The following GC variants were observed in gnomAD, a reference collection of about 807,000 sequenced individuals.
GC encodes vitamin D-binding protein.
GC carries 43 observed loss-of-function variants against 56.7 expected under a neutral mutation model. That is an observed-to-expected ratio of 0.76 (90% CI 0.59 to 0.98). GC has a LOEUF of 0.98. Ranked by LOEUF, GC falls within the 50% of genes least tolerant of loss-of-function variation. The pLI, the probability that GC is intolerant of heterozygous loss-of-function variation, is 0.00. For synonymous variants in GC, 216 were observed against 202.7 expected, an observed-to-expected ratio of 1.07 and a Z score of -0.56; for missense variants, 529 against 545.9, an observed-to-expected ratio of 0.97 and a Z score of 0.31.
upstream of GC, among the ~76,000 whole-genome samples, chr4:71,787,573 CA>C (rs1742869172): frequency 6.6e-6 from 1 of 151,836 alleles, no homozygotes; most frequent in East Asian, 1.9e-4. Context: ...GCTGGGAAGA[CA>C]GATGTTGAAG....
intron 12 of GC, 56 bp downstream of exon 12, chr4:71,746,095 A>G (rs1741353182): frequency 2.7e-6 from 2 of 742,216 alleles, no homozygotes; most frequent in Non-Finnish European, 4.9e-6. Context: ...TTTGATATTT[A>G]AAATACATCC....
chr4:71,804,137 T>C (rs1414254586), upstream of GC: 1 of 607,552 alleles, frequency 1.6e-6, no homozygotes, highest in Non-Finnish European at 2.9e-6. Flanking sequence ...AGACCCTGGC[T>C]GAGCAATGGA....
chr4:71,745,498 A>G (rs16846912), intron 12 of GC, among the ~76,000 whole-genome samples: 12,612 of 152,208 alleles, frequency 0.083, 1,275 homozygotes, highest in African/African-American at 0.24. Flanking sequence ...TTCAGCTAAG[A>G]ACTGAGATCC....
At position 71,754,522 on chromosome 4, in the gene GC, A is replaced by G. The variant is rs1373342930; in HGVS notation, c.1165-14T>C. Reference sequence around the variant, plus strand: ...TAGTAGAGGGCCCTGTAAGAAAACAATAATTGCATAACAAAATTATTTGTC... The same window carrying G: ...TAGTAGAGGGCCCTGTAAGAAAACAGTAATTGCATAACAAAATTATTTGTC... On this transcript the variant is annotated splice_polypyrimidine_tract_variant and intron_variant, in intron 9 of 12. Transcript: ENST00000273951. 2.4e-6 allele frequency: 3 copies of G among 1,253,974 alleles called. No homozygotes were observed. The highest frequency in any genetic ancestry group is 3.7e-4 in the Middle Eastern group (2 of 5,388). 77.7% of individuals were successfully genotyped at this position (1,253,974 alleles called of 1,614,324 possible).
chr4:71,768,467 AC>A, intron 2 of GC, 34 bp from the exon 3 acceptor site: 1 of 1,575,542 alleles, frequency 6.3e-7, no homozygotes, highest in Middle Eastern at 1.7e-4. Flanking sequence ...ATCAATTAGA[AC>A]TGAAAGGTTT....
rs74899913 is a variant in GC, at chr4:71,774,255, A to C, written c.59-4855T>G. Among the ~76,000 whole-genome samples, 1,008 of 152,178 alleles carry C rather than the reference A, an allele frequency of 6.6e-3. 16 individuals are homozygous for C. Among genetic ancestry groups the C allele is most frequent in the African/African-American group, 0.023 (967 of 41,558 alleles). On this transcript the variant is annotated intron_variant, in intron 1 of 12. Transcript: ENST00000273951. Reference sequence around the variant, plus strand: ...TTTCAGACTTTGAAAATTCAAACACAAACGAAAACAGCAAAAGATATATAG... The same window carrying C: ...TTTCAGACTTTGAAAATTCAAACACCAACGAAAACAGCAAAAGATATATAG...
intron 1 of GC, among the ~76,000 whole-genome samples, chr4:71,775,101 T>C (rs182792819): frequency 1.3e-5 from 2 of 151,496 alleles, no homozygotes; most frequent in African/African-American, 4.8e-5. Context: ...GGTGAGCAGA[T>C]TGGTTGAAAG....
At chr4:71,757,775 G>A (rs1250415405) in intron 7 of GC, among the ~76,000 whole-genome samples, 1 of 152,156 alleles carries the variant, frequency 6.6e-6, no homozygotes, top group African/African-American at 2.4e-5. Flanking sequence ...AGTGCAAGTA[G>A]CATAAGGTCT....
chr4:71,769,269 C>T (rs1216935925), intron 2 of GC, 62 bp downstream of exon 2: 4 of 1,221,348 alleles, frequency 3.3e-6, no homozygotes, highest in Non-Finnish European at 4.8e-6. Context: ...TCAAAGTTAC[C>T]TCACACTCAG....
chr4:71,784,040 A>G lies in GC; in HGVS notation c.-22T>C, dbSNP rs751201306. On this transcript the variant is annotated 5_prime_UTR_variant, in exon 1 of 13. Coordinates refer to ENST00000273951, the MANE Select transcript of GC (RefSeq NM_000583.4). ...TCATTTTTCTACCAGAGAGTCTTGCAGCACCTCCTCTCTCCTGTAGGTGAC... is the reference window on the plus strand; with the variant it reads ...TCATTTTTCTACCAGAGAGTCTTGCGGCACCTCCTCTCTCCTGTAGGTGAC... 6.9e-6 allele frequency: 11 copies of G among 1,601,014 alleles called. No individual in the cohort carries two copies. The highest frequency in any genetic ancestry group is 4.5e-5 in the East Asian group (2 of 44,600).
chr4:71,770,041 G>C (rs1339121435), intron 1 of GC, among the ~76,000 whole-genome samples: 1 of 152,154 alleles, frequency 6.6e-6, no homozygotes, highest in African/African-American at 2.4e-5. Flanking sequence ...GTGAGTCTGG[G>C]GGATGGTGGG....
chr4:71,747,569 T>C (rs942466409), intron 11 of GC, among the ~76,000 whole-genome samples: 4 of 152,076 alleles, frequency 2.6e-5, no homozygotes, highest in South Asian at 2.1e-4. Context: ...AATTGAAAAA[T>C]GTTTATTAGA....
chr4:71,781,411 GA>G (rs897013939), intron 1 of GC, among the ~76,000 whole-genome samples: 1 of 149,702 alleles, frequency 6.7e-6, no homozygotes, highest in African/African-American at 2.5e-5. Flanking sequence ...AACTTGAATC[GA>G]AAAAAAAGAA....
chr4:71,767,253 G>T (rs1742186059), intron 3 of GC, among the ~76,000 whole-genome samples: 1 of 152,146 alleles, frequency 6.6e-6, no homozygotes, highest in Non-Finnish European at 1.5e-5. Flanking sequence ...CTTGAACAGT[G>T]AGACAAATCT....
chr4:71,769,787 T>A (rs1035681303), intron 1 of GC, among the ~76,000 whole-genome samples: 1 of 152,172 alleles, frequency 6.6e-6, no homozygotes, highest in African/African-American at 2.4e-5. Flanking sequence ...CCTCCCTTCC[T>A]TCTTTTAATG....
At chr4:71,793,350 A>G (rs1743016240) in intron 1 of GC, among the ~76,000 whole-genome samples, 2 of 151,982 alleles carry the variant, frequency 1.3e-5, no homozygotes, top group Admixed American at 6.6e-5. Context: ...AGTGGTTTGT[A>G]TTTCTCCTTG....
At chr4:71,773,623 T>C (rs998136537) in intron 1 of GC, among the ~76,000 whole-genome samples, 4 of 152,170 alleles carry the variant, frequency 2.6e-5, no homozygotes, top group South Asian at 2.1e-4. Context: ...ATGCCTTCAC[T>C]ATTACTAGTC....
At chr4:71,744,800 G>C (rs1398228412) in intron 12 of GC, among the ~76,000 whole-genome samples, 14 of 152,064 alleles carry the variant, frequency 9.2e-5, no homozygotes. Context: ...TATGGGGATT[G>C]AGATAAAGGA....
intron 5 of GC, 115 bp downstream of exon 5, chr4:71,763,689 G>T (rs1742059558): frequency 1.1e-6 from 1 of 881,222 alleles, no homozygotes; most frequent in Non-Finnish European, 1.8e-6. Flanking sequence ...GAAGATGCAA[G>T]GGTGGCATTT....
Sources: gnomAD v4.1 joint callset for allele counts (sites outside exome capture counted in the v4.1 genomes callset) on GRCh38, gnomAD v4.1.1 for gene constraint, MANE v1.5 for transcripts, NCBI Gene and HGNC (gene_info 2026-07-23, HGNC 2026-07-21) for gene names.